Variants in NTM observed in about 807,000 individuals in gnomAD.
NTM encodes the protein IgLON family member 2.
A neutral mutation model predicts 42.1 loss-of-function variants in NTM; 13 were observed. The ratio of observed to expected loss-of-function variants is 0.31; its 90% CI spans 0.20 to 0.49. The LOEUF is 0.49. Among genes scored for constraint, NTM ranks in the 20% least tolerant of loss-of-function variants. The pLI, the probability that NTM is intolerant of heterozygous loss-of-function variation, is 0.99. For synonymous variants in NTM, 187 were observed against 179.2 expected (o/e 1.04, Z -0.35); for missense variants, 373 against 452.8 (o/e 0.82, Z 1.60).
intron 2 of NTM, among the ~76,000 whole-genome samples, chr11:132,101,625 C>A (rs1021177044): frequency 4.0e-5 from 6 of 150,292 alleles, no homozygotes; most frequent in Non-Finnish European, 7.4e-5. Context: ...GTAACCTGTT[C>A]CATATAATGC....
At chr11:132,148,885 T>C (rs2071209652) in intron 3 of NTM, among the ~76,000 whole-genome samples, 1 of 152,150 alleles carries the variant, frequency 6.6e-6, no homozygotes, top group Non-Finnish European at 1.5e-5. Flanking sequence ...AAATGTCTAA[T>C]CCCTTGCTAG....
At chr11:131,428,621 A>C (rs1291271128) in intron 1 of NTM, among the ~76,000 whole-genome samples, 1 of 151,990 alleles carries the variant, frequency 6.6e-6, no homozygotes, top group Non-Finnish European at 1.5e-5. Flanking sequence ...CCTAGACTTG[A>C]GGAAAGAACA....
At chr11:132,210,719 T>C (rs1228502000) in intron 3 of NTM, among the ~76,000 whole-genome samples, 1 of 152,214 alleles carries the variant, frequency 6.6e-6, no homozygotes, top group Non-Finnish European at 1.5e-5. Flanking sequence ...GTTCTACGAC[T>C]GGACCCCGGA....
At chr11:131,720,307 T>G (rs1418700011) in intron 1 of NTM, among the ~76,000 whole-genome samples, 1 of 152,170 alleles carries the variant, frequency 6.6e-6, no homozygotes. Context: ...ATAGATACAG[T>G]GTGTTTACGT....
At chr11:132,319,629 G>A (rs572550001) in intron 7 of NTM, among the ~76,000 whole-genome samples, 89 of 152,372 alleles carry the variant, frequency 5.8e-4, no homozygotes, top group African/African-American at 1.9e-3. Flanking sequence ...TGGGAAGCAC[G>A]AACTGGGTGG....
chr11:131,702,129 A>G (rs1371106414), intron 1 of NTM, among the ~76,000 whole-genome samples: 1 of 151,618 alleles, frequency 6.6e-6, no homozygotes, highest in Non-Finnish European at 1.5e-5. Flanking sequence ...CAACTTGGAC[A>G]TTGGGAGACT....
At chr11:131,574,853 G>T (rs1292290853) in intron 1 of NTM, among the ~76,000 whole-genome samples, 2 of 152,070 alleles carry the variant, frequency 1.3e-5, no homozygotes, top group Non-Finnish European at 2.9e-5. Context: ...ACTCCCCACT[G>T]TTACCTCTGG....
At chr11:132,322,700 C>G (rs1409279073) in intron 7 of NTM, among the ~76,000 whole-genome samples, 1 of 131,726 alleles carries the variant, frequency 7.6e-6, no homozygotes, top group Non-Finnish European at 1.6e-5. Flanking sequence ...CTACAGAACT[C>G]TCCACCCCAA....
chr11:132,299,480 A>G (rs2140101524), intron 4 of NTM, among the ~76,000 whole-genome samples: 1 of 152,310 alleles, frequency 6.6e-6, no homozygotes, highest in East Asian at 1.9e-4. Flanking sequence ...CCTGAGAGAA[A>G]GGAGGAGATA....
intron 2 of NTM, among the ~76,000 whole-genome samples, chr11:132,077,185 G>A (rs767351600): frequency 1.2e-4 from 19 of 152,228 alleles, no homozygotes; most frequent in Non-Finnish European, 2.6e-4. Flanking sequence ...CACACCTTCA[G>A]ATGAAGAGTG....
In NTM at chr11:132,104,979, A is replaced by G. The variant is rs112252830; in HGVS notation, c.168-41303A>G. 2.2e-4 allele frequency among the ~76,000 whole-genome samples: 25 copies of G among 112,692 alleles called. 1 individual carries two copies. The highest frequency in any genetic ancestry group is 5.6e-4 in the African/African-American group (16 of 28,326). 73.9% of individuals were successfully genotyped at this position (112,692 alleles called of 152,430 possible). On this transcript the variant is annotated intron_variant, in intron 2 of 8. Coordinates refer to ENST00000683400, the MANE Select transcript of NTM (RefSeq NM_001352005.2). ...TATATATATATATATATATATATAT[A>G]TATATATATATATTTCATGGGAAGC...
intron 1 of NTM, among the ~76,000 whole-genome samples, chr11:131,708,255 A>G (rs1382355517): frequency 6.6e-6 from 1 of 152,178 alleles, no homozygotes; most frequent in Non-Finnish European, 1.5e-5. Context: ...ATAGTAAAAT[A>G]AACTGAAAAT....
chr11:132,110,033 T>C (rs1443397530), intron 2 of NTM, among the ~76,000 whole-genome samples: 1 of 152,220 alleles, frequency 6.6e-6, no homozygotes, highest in Non-Finnish European at 1.5e-5. Context: ...CTTAAAGACA[T>C]AACAACCTTT....
chr11:131,856,333 A>G (rs1030736774), intron 1 of NTM, among the ~76,000 whole-genome samples: 3 of 151,530 alleles, frequency 2.0e-5, no homozygotes, highest in African/African-American at 7.4e-5. Flanking sequence ...TTTTATAATT[A>G]AGAGACAGAG....
At chr11:131,971,738 C>G (rs1183116082) in intron 2 of NTM, among the ~76,000 whole-genome samples, 4 of 101,456 alleles carry the variant, frequency 3.9e-5, no homozygotes, top group Admixed American at 1.2e-4. Context: ...GACCCCACCT[C>G]TACAAAAAAA....
At chr11:132,117,025 A>G (rs933045503) in intron 2 of NTM, among the ~76,000 whole-genome samples, 2 of 152,186 alleles carry the variant, frequency 1.3e-5, no homozygotes, top group Admixed American at 1.3e-4. Flanking sequence ...GCATCATTTG[A>G]TCAAGGCAGA....
intron 1 of NTM, among the ~76,000 whole-genome samples, chr11:131,862,718 T>A (rs972719514): frequency 6.6e-6 from 1 of 152,248 alleles, no homozygotes; most frequent in South Asian, 2.1e-4. Flanking sequence ...TTCATGAAAC[T>A]GCAAACTGGT....
chr11:131,609,146 G>A (rs760082990), intron 1 of NTM, among the ~76,000 whole-genome samples: 27 of 152,182 alleles, frequency 1.8e-4, no homozygotes, highest in Admixed American at 8.5e-4. Flanking sequence ...GGGCGAAGGC[G>A]TGGGCCCTGC....
At chr11:132,213,551 G>C (rs2083265789) in intron 4 of NTM, among the ~76,000 whole-genome samples, 1 of 152,010 alleles carries the variant, frequency 6.6e-6, no homozygotes, top group African/African-American at 2.4e-5. Context: ...GAAGGTGACT[G>C]TGCATGACAG....
Sources: allele counts gnomAD v4.1 joint callset (sites outside exome capture counted in the v4.1 genomes callset), GRCh38; gene constraint gnomAD v4.1.1; transcripts MANE v1.5; gene names NCBI Gene and HGNC (gene_info 2026-07-23, HGNC 2026-07-21).